AP1S3: variants seen among roughly 807,000 people sequenced by gnomAD.
AP1S3 encodes the protein adaptor related protein complex 1 subunit sigma 3.
Under a neutral mutation model 20.9 loss-of-function variants are expected in AP1S3, and 10 were observed. The ratio of observed to expected loss-of-function variants is 0.48; its 90% CI spans 0.29 to 0.81. AP1S3 has a LOEUF of 0.81. Ranked by LOEUF, AP1S3 falls within the 30% of genes least tolerant of loss-of-function variation. AP1S3 has a pLI of 0.08. For synonymous variants in AP1S3, 41 were observed against 61.5 expected, an observed-to-expected ratio of 0.67 and a Z score of 1.56; for missense variants, 154 against 183.8, an observed-to-expected ratio of 0.84 and a Z score of 0.94.
rs76013178 is a variant in AP1S3 at position 223,829,894 on chromosome 2, T to C, written c.3+7554A>G. 6.0e-3 allele frequency among the ~76,000 whole-genome samples: 914 copies of C among 151,774 alleles called. 11 individuals are homozygous for C. Among genetic ancestry groups the C allele is most frequent in the African/African-American group, 0.021 (862 of 41,386 alleles). The stretch of plus-strand genomic sequence containing the variant: ...GCTCCATCCATTTGTGTCTTGTCCG[T>C]GGCACTTTCACTCTACAACAGAAGA... On this transcript the variant is annotated intron_variant, in intron 1 of 4. Coordinates refer to ENST00000396654, the MANE Select transcript of AP1S3 (RefSeq NM_001039569.2).
Position 223,758,523 on chromosome 2 carries a change from AT to A in AP1S3, c.*191del, listed in dbSNP as rs529498764. The A allele has an allele frequency of 4.2e-4, 545 of 1,294,112 alleles. 3 individuals are homozygous for A. The African/African-American group carries it at 7.5e-3, about 18-fold the overall frequency. The allele number at this position is 1,294,112 out of a possible 1,614,324, so 80.2% of individuals were successfully genotyped here. On this transcript the variant is annotated 3_prime_UTR_variant, in exon 5 of 5. Coordinates refer to ENST00000396654, the MANE Select transcript of AP1S3 (RefSeq NM_001039569.2). ...CTATACAGTATAACACAGACACATA[AT>A]TTTTTTTAATAATACAGACACATAG...
intron 1 of AP1S3, among the ~76,000 whole-genome samples, chr2:223,830,478 CAA>C (rs11359575): frequency 1.9e-3 from 215 of 116,116 alleles, no homozygotes; most frequent in Admixed American, 2.5e-3. Flanking sequence ...GACTCTCTCT[CAA>C]AAAAAAAAAA....
At position 223,836,715 on chromosome 2, in the gene AP1S3, C is replaced by A. The variant is rs151195394; in HGVS notation, c.3+733G>T. Among the ~76,000 whole-genome samples the A allele has an allele frequency of 5.8e-3, 880 of 152,268 alleles. 8 individuals are homozygous for A. Among genetic ancestry groups the A allele is most frequent in the African/African-American group, 0.02 (812 of 41,570 alleles). ...CTGCACTTCAGCCTGGGCGACAGAG[C>A]GAGATCAGTCTCAAAAAAACAAAAG... On this transcript the variant is annotated intron_variant, in intron 1 of 4. Coordinates refer to ENST00000396654, the MANE Select transcript of AP1S3 (RefSeq NM_001039569.2).
chr2:223,808,178 A>G (rs553976042), intron 1 of AP1S3, among the ~76,000 whole-genome samples: 8 of 152,280 alleles, frequency 5.3e-5, no homozygotes, highest in African/African-American at 1.7e-4. Flanking sequence ...AGTTCTTCCT[A>G]AATGGTGAAG....
chr2:223,769,060 A>G (rs984034219), intron 3 of AP1S3, among the ~76,000 whole-genome samples: 1 of 152,226 alleles, frequency 6.6e-6, no homozygotes, highest in Non-Finnish European at 1.5e-5. Flanking sequence ...CAACAGATCC[A>G]AATGAATCCA....
intron 1 of AP1S3, among the ~76,000 whole-genome samples, chr2:223,796,180 T>A (rs1017059076): frequency 2.0e-5 from 3 of 151,992 alleles, no homozygotes; most frequent in Non-Finnish European, 4.4e-5. Context: ...CTCAAAAAAA[T>A]TAATTAATAT....
chr2:223,803,415 C>G (rs191327872), intron 1 of AP1S3, among the ~76,000 whole-genome samples: 18 of 152,130 alleles, frequency 1.2e-4, no homozygotes, highest in African/African-American at 3.9e-4. Context: ...TATGTAATTG[C>G]TTTTTGCTTC....
intron 1 of AP1S3, among the ~76,000 whole-genome samples, chr2:223,817,620 A>AAAAAAG (rs1456324372): frequency 9.2e-5 from 13 of 141,966 alleles, no homozygotes; most frequent in East Asian, 7.8e-4. Flanking sequence ...AAAAAAAAAA[A>AAAAAAG]AAAAGAAAAG....
At chr2:223,832,800 CTT>C (rs1357895749) in intron 1 of AP1S3, among the ~76,000 whole-genome samples, 1 of 124,820 alleles carries the variant, frequency 8.0e-6, no homozygotes, top group Admixed American at 9.3e-5. Flanking sequence ...AATTTTTTTT[CTT>C]TTTTCTTTTT....
rs565155938 is a variant in AP1S3 at position 223,758,622 on chromosome 2, G to A, written c.*93C>T. On this transcript the variant is annotated 3_prime_UTR_variant, in exon 5 of 5. Transcript: ENST00000396654. ...ATCCCTTTAAATTATTTTTGGCATGGTGCCTGAGGCTCCATCAAAAAACCG... is the reference window on the plus strand; with the variant it reads ...ATCCCTTTAAATTATTTTTGGCATGATGCCTGAGGCTCCATCAAAAAACCG... The A allele has an allele frequency of 1.0e-5, 15 of 1,439,946 alleles. No individual in the cohort carries two copies. The East Asian group carries it at 3.3e-4, about 32-fold the overall frequency. The allele number at this position is 1,439,946 out of a possible 1,614,324, so 89.2% of individuals were successfully genotyped here.
At chr2:223,807,123 C>T (rs1691600735) in intron 1 of AP1S3, among the ~76,000 whole-genome samples, 1 of 152,042 alleles carries the variant, frequency 6.6e-6, no homozygotes, top group Admixed American at 6.6e-5. Flanking sequence ...AAAATTTAGA[C>T]AGGCATGGTG....
intron 1 of AP1S3, among the ~76,000 whole-genome samples, chr2:223,788,862 G>A (rs138130745): frequency 4.6e-5 from 7 of 151,972 alleles, no homozygotes; most frequent in African/African-American, 1.7e-4. Flanking sequence ...GAAAAGCTAT[G>A]TATGTAAGGT....
Position 223,758,697 on chromosome 2 carries a change from C to T in AP1S3, c.*18G>A. The T allele has an allele frequency of 6.2e-7, 1 of 1,606,656 alleles. No homozygotes were observed. Among genetic ancestry groups the T allele is most frequent in the Non-Finnish European group, 8.5e-7 (1 of 1,176,700 alleles). On this transcript the variant is annotated 3_prime_UTR_variant, in exon 5 of 5. Transcript: ENST00000396654. Reference sequence around the variant, plus strand: ...GCTTCATAACATGTAGTGCTGGAGTCTTCAAGTAGATTTCCAGTTAAAATG... The same window carrying T: ...GCTTCATAACATGTAGTGCTGGAGTTTTCAAGTAGATTTCCAGTTAAAATG...
intron 1 of AP1S3, among the ~76,000 whole-genome samples, chr2:223,822,008 C>T (rs1056660944): frequency 3.3e-5 from 5 of 152,084 alleles, no homozygotes; most frequent in Non-Finnish European, 7.4e-5. Flanking sequence ...AGTATAGAAA[C>T]GAAGTCCCCT....
intron 1 of AP1S3, among the ~76,000 whole-genome samples, chr2:223,789,834 T>TC (rs1308131926): frequency 6.3e-5 from 4 of 63,574 alleles, no homozygotes; most frequent in African/African-American, 3.9e-4. Context: ...CAAGACTCTA[T>TC]CAAAAAAAAA....
At chr2:223,817,467 G>T (rs1226894894) in intron 1 of AP1S3, among the ~76,000 whole-genome samples, 1 of 151,734 alleles carries the variant, frequency 6.6e-6, no homozygotes, top group East Asian at 2.0e-4. Context: ...AATTAGCCAG[G>T]CATGGTGGCA....
intron 4 of AP1S3, 136 bp downstream of exon 4, chr2:223,765,077 T>C: frequency 1.6e-6 from 2 of 1,263,044 alleles, no homozygotes; most frequent in Non-Finnish European, 1.0e-6. Flanking sequence ...TTAAATAAGC[T>C]AATACATATA....
chr2:223,773,199 C>T, intron 3 of AP1S3: 1 of 1,072,600 alleles, frequency 9.3e-7, no homozygotes, highest in South Asian at 1.5e-5. Flanking sequence ...AGATTGAGAT[C>T]AAAATTCAGC....
intron 1 of AP1S3, among the ~76,000 whole-genome samples, chr2:223,784,328 G>A (rs1691024760): frequency 6.6e-6 from 1 of 152,018 alleles, no homozygotes; most frequent in South Asian, 2.1e-4. Context: ...CCCTGACTCT[G>A]AGGAGAGGAT....
Sources: gnomAD v4.1 joint callset for allele counts (sites outside exome capture counted in the v4.1 genomes callset) on GRCh38, gnomAD v4.1.1 for gene constraint, MANE v1.5 for transcripts, NCBI Gene and HGNC (gene_info 2026-07-23, HGNC 2026-07-21) for gene names.